SLX4IP: variants seen among roughly 807,000 people sequenced by gnomAD.
SLX4IP encodes the protein SLX4 interacting protein, also known as protein SLX4IP.
In SLX4IP, 34 loss-of-function variants were observed where a neutral mutation model predicts 32.9. The observed-to-expected ratio is 1.03, with a 90% confidence interval of 0.79 to 1.38. The LOEUF is 1.38. SLX4IP is among the 40% of genes most tolerant of loss of function. The probability of loss-of-function intolerance (pLI) is 0.00; values close to 1 mark genes in which losing one functional copy is unlikely to be tolerated. For synonymous variants in SLX4IP, 172 were observed against 171.7 expected, an observed-to-expected ratio of 1.00 and a Z score of -0.01; for missense variants, 444 against 479.0, an observed-to-expected ratio of 0.93 and a Z score of 0.68.
At chr20:10,602,730 A>G (rs1270351689) in intron 6 of SLX4IP, among the ~76,000 whole-genome samples, 5 of 152,184 alleles carry the variant, frequency 3.3e-5, no homozygotes. Flanking sequence ...CTTGATGTTT[A>G]TTATTTTTTA....
intron 2 of SLX4IP, among the ~76,000 whole-genome samples, chr20:10,546,675 A>G (rs1342254004): frequency 2.6e-5 from 4 of 152,138 alleles, no homozygotes; most frequent in African/African-American, 7.2e-5. Flanking sequence ...TGCTATCTCC[A>G]TTTTATGTTG....
In SLX4IP at chr20:10,586,780, C is replaced by T. The variant is rs532546729; in HGVS notation, c.239-11895C>T. Reference sequence around the variant, plus strand: ...AATAAAAGACTATTAAGAACAACTTCGTGCCAATAAATTTGAAAACTAAGG... The same window carrying T: ...AATAAAAGACTATTAAGAACAACTTTGTGCCAATAAATTTGAAAACTAAGG... On this transcript the variant is annotated intron_variant, in intron 4 of 7. Coordinates refer to ENST00000334534, the MANE Select transcript of SLX4IP (RefSeq NM_001009608.3). Among the ~76,000 whole-genome samples the T allele has an allele frequency of 5.9e-4, 90 of 152,054 alleles. 1 individual carries two copies. The South Asian group carries it at 0.017, about 29-fold the overall frequency.
intron 2 of SLX4IP, among the ~76,000 whole-genome samples, chr20:10,474,440 C>G (rs912754452): frequency 2.0e-5 from 3 of 152,192 alleles, no homozygotes; most frequent in African/African-American, 7.2e-5. Context: ...TTTAATGAGG[C>G]CCCATACAAT....
intron 1 of SLX4IP, among the ~76,000 whole-genome samples, chr20:10,455,810 C>T (rs1278881273): frequency 6.6e-6 from 1 of 150,482 alleles, no homozygotes; most frequent in Non-Finnish European, 1.5e-5. Flanking sequence ...AGGGTTTCGC[C>T]ATGTTGGCCA....
chr20:10,589,343 C>T (rs2066680202), intron 4 of SLX4IP, among the ~76,000 whole-genome samples: 1 of 152,054 alleles, frequency 6.6e-6, no homozygotes, highest in African/African-American at 2.4e-5. Context: ...CTTTCTGATC[C>T]AACCCTGAAA....
At chr20:10,508,422 A>T (rs1468790052) in intron 2 of SLX4IP, among the ~76,000 whole-genome samples, 1 of 152,236 alleles carries the variant, frequency 6.6e-6, no homozygotes, top group Non-Finnish European at 1.5e-5. Flanking sequence ...ACCCTTCCAG[A>T]TAACTGAGGC....
In SLX4IP at chr20:10,623,397, C is replaced by A; in HGVS notation, c.*18C>A. On this transcript the variant is annotated 3_prime_UTR_variant, in exon 8 of 8. Coordinates refer to ENST00000334534, the MANE Select transcript of SLX4IP (RefSeq NM_001009608.3). ...GCCATTAACACCGAAGAGGTTTGTA[C>A]CGTTGGAGTTGAGGACATAGTGGCC... 1 of 1,588,194 alleles carries A rather than the reference C, an allele frequency of 6.3e-7. No individual in the cohort carries two copies. The highest frequency in any genetic ancestry group is 8.6e-7 in the Non-Finnish European group (1 of 1,168,428).
At chr20:10,497,483 A>G (rs1179667459) in intron 2 of SLX4IP, among the ~76,000 whole-genome samples, 1 of 152,152 alleles carries the variant, frequency 6.6e-6, no homozygotes, top group Non-Finnish European at 1.5e-5. Context: ...CAATTTTGGC[A>G]GTCTCTAGTA....
chr20:10,514,238 G>GTT lies in SLX4IP; in HGVS notation c.28-41992_28-41991insTT, dbSNP rs373149591. Reference sequence around the variant, plus strand: ...CCTCCTGGCCCCAACTTTTTAAAATGTATCCTTTGAGGTGTATTCTATTTG... The same window carrying GTT: ...CCTCCTGGCCCCAACTTTTTAAAATGTTTATCCTTTGAGGTGTATTCTATTTG... On this transcript the variant is annotated intron_variant, in intron 2 of 7. Coordinates refer to ENST00000334534, the MANE Select transcript of SLX4IP (RefSeq NM_001009608.3). Among the ~76,000 whole-genome samples the GTT allele has an allele frequency of 8.8e-4, 134 of 152,264 alleles. 1 individual carries two copies. Among genetic ancestry groups the GTT allele is most frequent in the African/African-American group, 2.8e-3 (118 of 41,538 alleles).
chr20:10,517,949 G>A (rs796310234), intron 2 of SLX4IP, among the ~76,000 whole-genome samples: 17 of 152,216 alleles, frequency 1.1e-4, no homozygotes, highest in African/African-American at 3.6e-4. Flanking sequence ...AGCAAACCGA[G>A]AATAAATAGT....
chr20:10,505,772 A>C (rs958007775), intron 2 of SLX4IP, among the ~76,000 whole-genome samples: 1 of 152,040 alleles, frequency 6.6e-6, no homozygotes, highest in Non-Finnish European at 1.5e-5. Context: ...TCTGTATTAT[A>C]TACGTATAAA....
intron 2 of SLX4IP, among the ~76,000 whole-genome samples, chr20:10,555,208 AAC>A (rs1491075218): frequency 5.3e-5 from 8 of 151,894 alleles, no homozygotes; most frequent in African/African-American, 1.9e-4. Context: ...AAAAAAAAAA[AAC>A]AAAACTGTCC....
chr20:10,449,505 G>A (rs1040217631), intron 1 of SLX4IP, among the ~76,000 whole-genome samples: 2 of 152,162 alleles, frequency 1.3e-5, no homozygotes, highest in Non-Finnish European at 2.9e-5. Context: ...GACAGATGGT[G>A]CTAGTTTGCC....
intron 2 of SLX4IP, among the ~76,000 whole-genome samples, chr20:10,541,290 G>A (rs1356633821): frequency 6.6e-6 from 1 of 152,140 alleles, no homozygotes; most frequent in African/African-American, 2.4e-5. Context: ...CTCACATGTG[G>A]TCCTTAGGAG....
At chr20:10,610,464 C>T (rs1010998351) in intron 6 of SLX4IP, among the ~76,000 whole-genome samples, 10 of 152,232 alleles carry the variant, frequency 6.6e-5, no homozygotes, top group Non-Finnish European at 1.0e-4. Flanking sequence ...AGGACGGACT[C>T]TGGGCCAGAC....
chr20:10,513,286 G>A (rs1226902190), intron 2 of SLX4IP, among the ~76,000 whole-genome samples: 3 of 152,150 alleles, frequency 2.0e-5, no homozygotes, highest in Admixed American at 6.5e-5. Flanking sequence ...CTGAAGCACA[G>A]AAGCTTAGGA....
intron 2 of SLX4IP, among the ~76,000 whole-genome samples, chr20:10,549,289 C>T (rs572824845): frequency 1.3e-5 from 2 of 152,154 alleles, no homozygotes; most frequent in Admixed American, 6.5e-5. Context: ...GTGAGGCTTT[C>T]ACTGCCTCAC....
At chr20:10,611,925 C>T (rs943793912) in intron 6 of SLX4IP, among the ~76,000 whole-genome samples, 1 of 152,162 alleles carries the variant, frequency 6.6e-6, no homozygotes, top group Admixed American at 6.5e-5. Flanking sequence ...ATACTGTGGC[C>T]ATTGGGCAAA....
chr20:10,453,538 A>T (rs551051115), intron 1 of SLX4IP, among the ~76,000 whole-genome samples: 6 of 152,258 alleles, frequency 3.9e-5, no homozygotes, highest in Admixed American at 3.9e-4. Flanking sequence ...TAGCTTCCTG[A>T]GAAAAAATAC....
Sources: gnomAD v4.1 joint callset for allele counts (sites outside exome capture counted in the v4.1 genomes callset) on GRCh38, gnomAD v4.1.1 for gene constraint, MANE v1.5 for transcripts, NCBI Gene and HGNC (gene_info 2026-07-23, HGNC 2026-07-21) for gene names.